NEK3: variants seen among roughly 807,000 people sequenced by gnomAD.
The protein encoded by NEK3 is serine/threonine-protein kinase Nek3.
In NEK3, 54 loss-of-function variants were observed where a neutral mutation model predicts 66.0. The ratio of observed to expected loss-of-function variants is 0.82; its 90% confidence interval spans 0.66 to 1.03. The LOEUF is 1.03. Ranked by LOEUF, NEK3 falls within the 50% of genes least tolerant of loss-of-function variation. The pLI, the probability that NEK3 is intolerant of heterozygous loss-of-function variation, is 0.00. For synonymous variants in NEK3, 200 were observed against 206.2 expected, an observed-to-expected ratio of 0.97 and a Z score of 0.26; for missense variants, 593 against 603.0, an observed-to-expected ratio of 0.98 and a Z score of 0.17.
intron 13 of NEK3, 71 bp from the exon 14 acceptor site, chr13:52,135,934 T>A: frequency 6.5e-7 from 1 of 1,547,472 alleles, no homozygotes; most frequent in Middle Eastern, 1.7e-4. Flanking sequence ...CCAGATCATA[T>A]TTTCAAGCGA....
rs2138185171 is a variant in NEK3 at position 52,133,232 on chromosome 13, A to G, written c.1437-6T>C. 1.3e-6 allele frequency: 2 copies of G among 1,599,652 alleles called. No individual in the cohort carries two copies. Among genetic ancestry groups the G allele is most frequent in the South Asian group, 1.1e-5 (1 of 88,120 alleles). ...CATCTTCCTCCTCAAAGTCCCTGTG[A>G]AAAAACAATTTGGACCATAAACCTC... On this transcript the variant is annotated splice_region_variant and splice_polypyrimidine_tract_variant and intron_variant, in intron 15 of 15. Transcript: ENST00000610828.
intron 2 of NEK3, among the ~76,000 whole-genome samples, chr13:52,155,208 A>G (rs1286486526): frequency 6.6e-6 from 1 of 152,162 alleles, no homozygotes; most frequent in East Asian, 1.9e-4. Flanking sequence ...TGGGAAAAAA[A>G]TACCTAGCAC....
intron 1 of NEK3, among the ~76,000 whole-genome samples, chr13:52,158,038 C>A (rs71437833): frequency 2.0e-4 from 31 of 152,226 alleles, no homozygotes; most frequent in South Asian, 8.3e-4. Context: ...CCACCACGCC[C>A]GGCTAATTTT....
In NEK3 at chr13:52,141,024, G is replaced by T; in HGVS notation, c.923C>A (p.Thr308Lys). The T allele has an allele frequency of 6.3e-7, 1 of 1,595,000 alleles. No individual in the cohort carries two copies. The highest frequency in any genetic ancestry group is 1.1e-5 in the South Asian group (1 of 87,304). The change falls in exon 11 of 16, where the codon ACA (threonine) becomes AAA (lysine). Residue 308 changes from threonine (T) to lysine (K), a missense_variant. Coordinates refer to ENST00000610828, the MANE Select transcript of NEK3 (RefSeq NM_002498.3). ...AAGTAATTTTAAAGCACTTACCACT[G>T]TGCTTGCTTCATTTCCCAAAGCTAT... ...IRIALGNEAS[T>K]VQEEEQDRKG...
chr13:52,144,621 G>A, intron 9 of NEK3, 70 bp downstream of exon 9: 7 of 1,252,022 alleles, frequency 5.6e-6, no homozygotes, highest in Non-Finnish European at 5.8e-6. Context: ...AATGTATAAT[G>A]TTAAAAGATA....
rs779779142 is a variant in NEK3 at position 52,151,337 on chromosome 13, C to A, written c.449G>T (p.Arg150Leu). The part of the protein sequence containing the change: ...KVKLGDFGSA[R>L]LLSNPMAFAC... ...CAGACATACATACTTGGAGAGAAGA[C>A]GGGCAGATCCAAAGTCTCCCAATTT... Residue 150 changes from arginine to leucine, a missense_variant, in exon 6 of 16, where the codon CGT becomes CTT. Transcript: ENST00000610828. The A allele has an allele frequency of 6.3e-7, 1 of 1,598,576 alleles. No homozygotes were observed. The highest frequency in any genetic ancestry group is 8.5e-7 in the Non-Finnish European group (1 of 1,172,122).
rs764076079 is a variant in NEK3 at position 52,151,242 on chromosome 13, TA to T, written c.462-11del. On this transcript the variant is annotated splice_polypyrimidine_tract_variant and intron_variant, in intron 6 of 15. Transcript: ENST00000610828. Reference sequence around the variant, plus strand: ...AGCAAATGCCATCGGACTAAAACCATAAAAAGGCAACGAATGATTACAGAAC... The same window carrying T: ...AGCAAATGCCATCGGACTAAAACCATAAAAGGCAACGAATGATTACAGAAC... The T allele has an allele frequency of 6.2e-7, 1 of 1,604,530 alleles. No individual in the cohort carries two copies. Among genetic ancestry groups the T allele is most frequent in the Non-Finnish European group, 8.5e-7 (1 of 1,175,432 alleles).
intron 12 of NEK3, 62 bp downstream of exon 12, chr13:52,136,738 A>G: frequency 1.0e-6 from 1 of 960,090 alleles, no homozygotes; most frequent in Non-Finnish European, 1.6e-6. Flanking sequence ...AGACCTAGTA[A>G]CATAAAAATT....
At chr13:52,136,731 C>CATGT in intron 12 of NEK3, 69 bp downstream of exon 12, 1 of 870,452 alleles carries the variant, frequency 1.1e-6, no homozygotes, top group Non-Finnish European at 1.8e-6. Flanking sequence ...ATATCTGAGA[C>CATGT]CTAGTAACAT....
Position 52,133,675 on chromosome 13 carries a change from A to C in NEK3, c.1436+14T>G. 6.4e-7 allele frequency: 1 copy of C among 1,551,234 alleles called. No individual in the cohort carries two copies. The highest frequency in any genetic ancestry group is 8.7e-7 in the Non-Finnish European group (1 of 1,146,792). On this transcript the variant is annotated intron_variant, in intron 15 of 15. Transcript: ENST00000610828. ...CAACCCCAGCTACAGCTTTCTATGC[A>C]TATCACAACGTACGTGTCCTCCTCA...
chr13:52,137,059 CAT>C (rs1956212443), intron 11 of NEK3, among the ~76,000 whole-genome samples, 157 bp from the exon 12 acceptor site: 1 of 151,702 alleles, frequency 6.6e-6, no homozygotes, highest in African/African-American at 2.4e-5. Flanking sequence ...TATTAATAGC[CAT>C]ATATATCTAT....
chr13:52,149,166 T>A (rs566167882), intron 7 of NEK3, among the ~76,000 whole-genome samples: 4 of 152,126 alleles, frequency 2.6e-5, no homozygotes, highest in Admixed American at 2.6e-4. Flanking sequence ...CCCAAAGTGC[T>A]GGGATTACAG....
At chr13:52,139,172 A>G (rs911787723) in intron 11 of NEK3, among the ~76,000 whole-genome samples, 3 of 152,272 alleles carry the variant, frequency 2.0e-5, no homozygotes, top group Non-Finnish European at 4.4e-5. Flanking sequence ...AGCATTGAAC[A>G]GAAAAATGTT....
At chr13:52,144,985 A>AT in intron 8 of NEK3, 94 bp from the exon 9 acceptor site, 1 of 819,758 alleles carries the variant, frequency 1.2e-6, no homozygotes, top group South Asian at 1.7e-5. Context: ...TTTTATAAAC[A>AT]TATCTGCTGT....
intron 8 of NEK3, among the ~76,000 whole-genome samples, chr13:52,147,492 C>T (rs1956304121): frequency 1.3e-5 from 2 of 152,192 alleles, no homozygotes; most frequent in Non-Finnish European, 2.9e-5. Context: ...CTTGAAAACA[C>T]TGTGCTAGTG....
In NEK3 at chr13:52,136,809, C is replaced by T; in HGVS notation, c.1021G>A (p.Glu341Lys). The part of the protein sequence containing the change: ...VESALRRVNR[E>K]EKGNKSVHLR... Reference sequence around the variant, plus strand: ...AATTTGAATAACTTACCTTTTTCTTCTCTGTTTACTCTTCTCAATGCACTT... The same window carrying T: ...AATTTGAATAACTTACCTTTTTCTTTTCTGTTTACTCTTCTCAATGCACTT... The change falls in exon 12 of 16, where the codon GAA becomes AAA. Residue 341 changes from glutamate to lysine, a missense_variant. Glu to Lys is a moderately conservative substitution (Grantham distance 56, BLOSUM62 1). Coordinates refer to ENST00000610828, the MANE Select transcript of NEK3 (RefSeq NM_002498.3). The T allele has an allele frequency of 1.3e-6, 2 of 1,550,190 alleles. No homozygotes were observed. Among genetic ancestry groups the T allele is most frequent in the Admixed American group, 2.0e-5 (1 of 50,454 alleles).
At chr13:52,133,876 T>C (rs1451059840) in intron 14 of NEK3, 61 bp from the exon 15 acceptor site, 12 of 1,515,836 alleles carry the variant, frequency 7.9e-6, no homozygotes, top group Non-Finnish European at 8.9e-7. Context: ...TTTCATGCAG[T>C]TTGATTAAAA....
At chr13:52,140,947 TG>T in intron 11 of NEK3, 72 bp downstream of exon 11, 1 of 1,229,550 alleles carries the variant, frequency 8.1e-7, no homozygotes. Flanking sequence ...CCCGAGTAGC[TG>T]GGATTACAGG....
rs746813102 is a variant in NEK3, at chr13:52,156,236, G to A, written c.-45C>T. On this transcript the variant is annotated 5_prime_UTR_variant, in exon 2 of 16. Coordinates refer to ENST00000610828, the MANE Select transcript of NEK3 (RefSeq NM_002498.3). ...TGGGCTCCACTCACGCAGTCACCAT[G>A]GGCTCTCCCAAACTGCATTCAAAAG... 3.8e-5 allele frequency: 45 copies of A among 1,173,196 alleles called. No homozygotes were observed. Among genetic ancestry groups the A allele is most frequent in the South Asian group, 8.0e-5 (6 of 74,852 alleles). The allele number at this position is 1,173,196 out of a possible 1,614,324, so 72.7% of individuals were successfully genotyped here. A position where few individuals can be genotyped will look rare whatever the true frequency, so the allele number is the denominator to read the frequency against.
Sources: allele counts gnomAD v4.1 joint callset (sites outside exome capture counted in the v4.1 genomes callset), GRCh38; gene constraint gnomAD v4.1.1; transcripts MANE v1.5; gene names NCBI Gene and HGNC (gene_info 2026-07-23, HGNC 2026-07-21).